The following TOMM40 variants were observed in gnomAD, a reference collection of about 807,000 sequenced individuals.
TOMM40 encodes translocase of outer mitochondrial membrane 40, also known as mitochondrial import receptor subunit TOM40 homolog.
Under a neutral mutation model 38.4 loss-of-function variants are expected in TOMM40, and 9 were observed. The observed-to-expected ratio is 0.23, with a 90% CI of 0.14 to 0.41. The LOEUF (loss-of-function observed/expected upper bound fraction) is 0.41. Among genes scored for constraint, TOMM40 ranks in the 10% least tolerant of loss-of-function variants. TOMM40 has a pLI of 1.00. For missense variants in TOMM40, 299 were observed against 486.5 expected (o/e 0.61, Z 3.63); for synonymous variants, 184 against 210.0 (o/e 0.88, Z 1.07).
At chr19:44,891,737 G>T in intron 1 of TOMM40, 48 bp downstream of exon 1, 1 of 1,394,798 alleles carries the variant, frequency 7.2e-7, no homozygotes, top group Non-Finnish European at 9.3e-7. Context: ...TGGATCTCGG[G>T]GGAAGGGGGA....
chr19:44,900,588 T>C, intron 5 of TOMM40, 142 bp from the exon 6 acceptor site: 1 of 1,483,034 alleles, frequency 6.7e-7, no homozygotes, highest in East Asian at 2.4e-5. Context: ...CCCTGGGCGA[T>C]GGGTTAGGAG....
At position 44,900,719 on chromosome 19, in the gene TOMM40, T is replaced by G; in HGVS notation, c.644-11T>G. 6.2e-7 allele frequency: 1 copy of G among 1,612,014 alleles called. No individual in the cohort carries two copies. Among genetic ancestry groups the G allele is most frequent in the Non-Finnish European group, 8.5e-7 (1 of 1,179,828 alleles). ...AGGGTGGGTGGAAACTGATCGTCAT[T>G]TTGCCCACAGGAATCCTCGTAGCCC... On this transcript the variant is annotated splice_polypyrimidine_tract_variant and intron_variant, in intron 5 of 8. Coordinates refer to ENST00000426677, the MANE Select transcript of TOMM40 (RefSeq NM_001128917.2).
chr19:44,898,531 T>C (rs1334847052), intron 5 of TOMM40, among the ~76,000 whole-genome samples: 1 of 146,192 alleles, frequency 6.8e-6, no homozygotes. Flanking sequence ...TTTTCTTTTT[T>C]TTTTTTTTTT....
intron 5 of TOMM40, among the ~76,000 whole-genome samples, chr19:44,898,866 C>T (rs1210391926): frequency 1.3e-5 from 2 of 150,640 alleles, no homozygotes; most frequent in Admixed American, 6.6e-5. Context: ...TTTTTTAGGC[C>T]GGGCGCGGTG....
chr19:44,891,808 G>A (rs1036114696), intron 1 of TOMM40, 119 bp downstream of exon 1: 32 of 1,109,574 alleles, frequency 2.9e-5, no homozygotes, highest in Middle Eastern at 6.5e-4. Context: ...GCACTAGGAG[G>A]TGATGTTGGG....
chr19:44,893,048 G>A (rs373193652), intron 3 of TOMM40, 119 bp downstream of exon 3: 19 of 766,536 alleles, frequency 2.5e-5, no homozygotes, highest in African/African-American at 1.9e-4. Flanking sequence ...TGGAGATGGG[G>A]ATTGCATCTC....
At chr19:44,893,345 A>C (rs369353268) in intron 3 of TOMM40, among the ~76,000 whole-genome samples, 39 of 152,252 alleles carry the variant, frequency 2.6e-4, no homozygotes, top group Admixed American at 7.8e-4. Context: ...TCTCTGGGGC[A>C]TCTCTGGGGT....
At chr19:44,892,215 T>A (rs996952746) in intron 1 of TOMM40, among the ~76,000 whole-genome samples, 178 bp from the exon 2 acceptor site, 7 of 152,184 alleles carry the variant, frequency 4.6e-5, no homozygotes, top group Non-Finnish European at 1.5e-5. Flanking sequence ...GGCAGTGAGA[T>A]TTGAGCAAGC....
At chr19:44,895,219 G>A (rs997503921) in intron 5 of TOMM40, among the ~76,000 whole-genome samples, 6 of 152,048 alleles carry the variant, frequency 3.9e-5, no homozygotes, top group Non-Finnish European at 7.4e-5. Context: ...ACCACTTCTC[G>A]CTGCAGGAGC....
chr19:44,891,779 C>A, intron 1 of TOMM40, 90 bp downstream of exon 1: 1 of 1,276,380 alleles, frequency 7.8e-7, no homozygotes. Flanking sequence ...TTGGCGCGCA[C>A]CATTGGAATT....
intron 8 of TOMM40, chr19:44,902,154 T>C (rs1425475597): frequency 6.6e-6 from 1 of 152,154 alleles, no homozygotes; most frequent in Non-Finnish European, 1.5e-5. Context: ...ATCTGATGGG[T>C]GTTTGGGCCA....
chr19:44,893,350 T>C (rs1332893005), intron 3 of TOMM40, among the ~76,000 whole-genome samples: 4 of 152,148 alleles, frequency 2.6e-5, no homozygotes, highest in African/African-American at 7.2e-5. Context: ...GGGGCATCTC[T>C]GGGGTGGCCA....
rs570272814 is a variant in TOMM40, at chr19:44,893,688, G to T, written c.436-92G>T. 38 of 1,074,924 alleles carry T rather than the reference G, an allele frequency of 3.5e-5. No individual in the cohort carries two copies. In the African/African-American group the frequency reaches 5.3e-4, roughly 15 times the overall value. 66.6% of individuals were successfully genotyped at this position (1,074,924 alleles called of 1,614,324 possible). On this transcript the variant is annotated intron_variant, in intron 3 of 8. Transcript: ENST00000426677. Reference sequence around the variant, plus strand: ...CGTGGAGGAGGGGACCCCCATCCGAGGCTTTCTGACCCTAGGCTTCTCACC... The same window carrying T: ...CGTGGAGGAGGGGACCCCCATCCGATGCTTTCTGACCCTAGGCTTCTCACC...
intron 5 of TOMM40, among the ~76,000 whole-genome samples, chr19:44,895,836 C>T (rs776123202): frequency 1.3e-5 from 2 of 152,128 alleles, no homozygotes; most frequent in Non-Finnish European, 2.9e-5. Context: ...TGTGAGCCAC[C>T]GCGCCCGGCC....
intron 5 of TOMM40, among the ~76,000 whole-genome samples, chr19:44,897,234 G>C (rs771729989): frequency 3.9e-5 from 6 of 152,106 alleles, no homozygotes; most frequent in Non-Finnish European, 7.4e-5. Flanking sequence ...AACTGGGGGG[G>C]TGGCCCAGGA....
chr19:44,892,874 C>T lies in TOMM40; in HGVS notation c.380C>T (p.Ser127Phe). 1.2e-6 allele frequency: 2 copies of T among 1,613,970 alleles called. No individual in the cohort carries two copies. The highest frequency in any genetic ancestry group is 1.7e-6 in the Non-Finnish European group (2 of 1,179,870). ...HTVALSTIGESNYHFGVTYVG... is the reference protein window; with the variant it reads ...HTVALSTIGEFNYHFGVTYVG... ...GTAGCCCTCAGCACAATCGGGGAGT[C>T]CAACTACCACTTCGGGGTCACATAT... The change falls in exon 3 of 9, where the codon TCC becomes TTC. Residue 127 changes from serine to phenylalanine, a missense_variant. Transcript: ENST00000426677.
intron 8 of TOMM40, chr19:44,901,736 C>CAA (rs920186366): frequency 1.8e-4 from 29 of 160,596 alleles, no homozygotes; most frequent in South Asian, 5.8e-4. Context: ...GACTCCATCT[C>CAA]AAAAAAAAAA....
intron 5 of TOMM40, among the ~76,000 whole-genome samples, chr19:44,894,453 G>T (rs1355645519): frequency 1.3e-5 from 2 of 152,012 alleles, no homozygotes; most frequent in Non-Finnish European, 2.9e-5. Context: ...GTAGAGACAG[G>T]GTTTCACCAC....
In TOMM40 at chr19:44,903,643, G is replaced by GA. The variant is rs575867550; in HGVS notation, c.*482dup. On this transcript the variant is annotated 3_prime_UTR_variant, in exon 9 of 9. Transcript: ENST00000426677. ...TATGGAAGAACCGGGACATTTTACAGAAAAAAAACAAAAAACAACAAAAAA... is the reference window on the plus strand; with the variant it reads ...TATGGAAGAACCGGGACATTTTACAGAAAAAAAAACAAAAAACAACAAAAAA... 2.1e-3 allele frequency: 321 copies of GA among 153,142 alleles called. No individual in the cohort carries two copies. Among genetic ancestry groups the GA allele is most frequent in the African/African-American group, 6.0e-3 (250 of 41,494 alleles). 9.5% of individuals were successfully genotyped at this position (153,142 alleles called of 1,614,324 possible). A position where few individuals can be genotyped will look rare whatever the true frequency, so the allele number is the denominator to read the frequency against.
Sources: allele counts gnomAD v4.1 joint callset (sites outside exome capture counted in the v4.1 genomes callset), GRCh38; gene constraint gnomAD v4.1.1; transcripts MANE v1.5; gene names NCBI Gene and HGNC (gene_info 2026-07-23, HGNC 2026-07-21).